The following CPVL variants were observed in gnomAD, a reference collection of about 807,000 sequenced individuals.
The protein encoded by CPVL is carboxypeptidase vitellogenic like, also known as probable serine carboxypeptidase CPVL.
Under a neutral mutation model 63.7 loss-of-function variants are expected in CPVL, and 51 were observed. The ratio of observed to expected loss-of-function variants is 0.80; its 90% CI spans 0.64 to 1.01. CPVL has a LOEUF of 1.01. Among genes scored for constraint, CPVL ranks in the 50% least tolerant of loss-of-function variants. The pLI is 0.00. For synonymous variants in CPVL, 195 were observed against 206.0 expected, an observed-to-expected ratio of 0.95 and a Z score of 0.46; for missense variants, 530 against 573.1, an observed-to-expected ratio of 0.92 and a Z score of 0.77.
At chr7:29,131,642 AGCTGGGACCACCGGTGCAT>A (rs1790709500) in intron 1 of CPVL, among the ~76,000 whole-genome samples, 2 of 152,256 alleles carry the variant, frequency 1.3e-5, no homozygotes, top group African/African-American at 4.8e-5. Context: ...CCTCCAGAGT[AGCTGGGACCACCGGTGCAT>A]GCCACCACAC....
At chr7:29,083,980 A>G (rs1036634836) in intron 7 of CPVL, among the ~76,000 whole-genome samples, 1 of 151,788 alleles carries the variant, frequency 6.6e-6, no homozygotes, top group African/African-American at 2.4e-5. Context: ...TATTTCTCTA[A>G]TTGTGCCTTT....
Position 29,034,853 on chromosome 7 carries a change from GA to G in CPVL, c.1138-4095del, listed in dbSNP as rs60558791. The stretch of plus-strand genomic sequence containing the variant: ...CCCAGCCTAGAATGCTTTTATAATG[GA>G]AAAAAAAAAAAAAAAGAACAATAAT... On this transcript the variant is annotated intron_variant, in intron 11 of 12. Transcript: ENST00000265394. 4.4e-3 allele frequency among the ~76,000 whole-genome samples: 542 copies of G among 123,934 alleles called. 3 individuals carry two copies. The highest frequency in any genetic ancestry group is 0.01 in the Admixed American group (127 of 12,168). 81.3% of individuals were successfully genotyped at this position (123,934 alleles called of 152,430 possible). A position where few individuals can be genotyped will look rare whatever the true frequency, so the allele number is the denominator to read the frequency against.
intron 12 of CPVL, among the ~76,000 whole-genome samples, chr7:29,018,376 A>ATTT (rs1583999212): frequency 4.2e-5 from 5 of 120,324 alleles, no homozygotes; most frequent in South Asian, 2.7e-4. Flanking sequence ...AAAATTTTTA[A>ATTT]TCTTTTTTTT....
chr7:29,039,908 C>T (rs187649988), intron 11 of CPVL, among the ~76,000 whole-genome samples: 7 of 152,196 alleles, frequency 4.6e-5, no homozygotes, highest in Middle Eastern at 3.4e-3. Flanking sequence ...ACTTTGCAGA[C>T]AAAGTTATGC....
chr7:29,092,789 C>A, intron 5 of CPVL, 87 bp from the exon 6 acceptor site: 1 of 963,888 alleles, frequency 1.0e-6, no homozygotes, highest in South Asian at 1.4e-5. Context: ...GGAAGGTGAC[C>A]TTGTTCCAAA....
intron 1 of CPVL, among the ~76,000 whole-genome samples, chr7:29,138,824 G>A (rs949048283): frequency 1.3e-5 from 2 of 152,114 alleles, no homozygotes; most frequent in East Asian, 1.9e-4. Flanking sequence ...GAGCTGCCAC[G>A]GGCACTTGGC....
intron 5 of CPVL, among the ~76,000 whole-genome samples, chr7:29,169,824 A>G (rs961427293): frequency 1.3e-5 from 2 of 151,026 alleles, no homozygotes; most frequent in African/African-American, 4.9e-5. Context: ...GATAAGATGT[A>G]TATATATATA....
In CPVL at chr7:29,021,371, G is replaced by A. The variant is rs191887589; in HGVS notation, c.1320+9206C>T. On this transcript the variant is annotated intron_variant, in intron 12 of 12. Transcript: ENST00000265394. ...AGGGGCTTCAAGATGGCTGCCTGACGCACCTGGCTGTCACCTCCTTCACGA... is the reference window on the plus strand; with the variant it reads ...AGGGGCTTCAAGATGGCTGCCTGACACACCTGGCTGTCACCTCCTTCACGA... 1.6e-3 allele frequency among the ~76,000 whole-genome samples: 248 copies of A among 152,152 alleles called. 1 individual carries two copies. The highest frequency in any genetic ancestry group is 5.4e-3 in the African/African-American group (224 of 41,512).
rs150063181 is a variant in CPVL, at chr7:29,175,337, A to T, written c.-11+5953T>A. Among the ~76,000 whole-genome samples, 458 of 151,832 alleles carry T rather than the reference A, an allele frequency of 3.0e-3. 3 individuals carry two copies. Among genetic ancestry groups the T allele is most frequent in the African/African-American group, 0.01 (431 of 41,404 alleles). Reference sequence around the variant, plus strand: ...TTACAGGCGCATGCCACCACGCCTGACTAATTTTTTGTATTTTCAGTAGAG... The same window carrying T: ...TTACAGGCGCATGCCACCACGCCTGTCTAATTTTTTGTATTTTCAGTAGAG... On this transcript the variant is annotated intron_variant, in intron 5 of 16. Transcript: ENST00000409850.
chr7:29,108,285 G>C (rs957921530), intron 3 of CPVL, among the ~76,000 whole-genome samples: 1 of 152,222 alleles, frequency 6.6e-6, no homozygotes, highest in Non-Finnish European at 1.5e-5. Flanking sequence ...TGATCTGCAG[G>C]TTTTGGCTAA....
chr7:29,000,603 C>G (rs1243077011), intron 12 of CPVL, among the ~76,000 whole-genome samples: 3 of 152,146 alleles, frequency 2.0e-5, no homozygotes, highest in Admixed American at 1.3e-4. Context: ...ACAGAAGAGA[C>G]AGATGAACAG....
upstream of CPVL, chr7:29,195,367 G>T (rs1033468082): frequency 8.6e-6 from 2 of 233,650 alleles, no homozygotes; most frequent in Non-Finnish European, 1.6e-5. Context: ...CCTGTTTGCC[G>T]TGCCGCGCCC....
intron 6 of CPVL, among the ~76,000 whole-genome samples, chr7:29,090,132 G>A (rs1265654328): frequency 6.6e-6 from 1 of 152,106 alleles, no homozygotes; most frequent in Admixed American, 6.5e-5. Flanking sequence ...CAAAGTGCTG[G>A]GATTACAGGT....
intron 11 of CPVL, among the ~76,000 whole-genome samples, chr7:29,032,016 T>G (rs1438967968): frequency 6.6e-6 from 1 of 152,140 alleles, no homozygotes; most frequent in Non-Finnish European, 1.5e-5. Context: ...TACGCTACTT[T>G]TATGCAACTA....
At chr7:29,187,265 G>C (rs1006121646) in intron 1 of CPVL, among the ~76,000 whole-genome samples, 2 of 152,068 alleles carry the variant, frequency 1.3e-5, no homozygotes, top group African/African-American at 4.8e-5. Flanking sequence ...AATTCCACCA[G>C]GTTTCTCACC....
At chr7:29,110,979 T>C (rs1584291103) in intron 3 of CPVL, among the ~76,000 whole-genome samples, 2 of 152,342 alleles carry the variant, frequency 1.3e-5, no homozygotes, top group South Asian at 4.1e-4. Context: ...CTCTAGACAC[T>C]GCAAGAGGCA....
intron 5 of CPVL, among the ~76,000 whole-genome samples, chr7:29,175,959 G>T (rs1340607575): frequency 6.6e-6 from 1 of 152,108 alleles, no homozygotes; most frequent in Non-Finnish European, 1.5e-5. Context: ...GGCCGAGGCG[G>T]GAAGATCACA....
At chr7:29,192,443 A>G (rs961110700) in intron 1 of CPVL, 2 of 152,276 alleles carry the variant, frequency 1.3e-5, no homozygotes, top group African/African-American at 2.4e-5. Context: ...TCAGAGATGA[A>G]TAATGAAACC....
At chr7:29,038,332 T>C (rs1331204260) in intron 11 of CPVL, among the ~76,000 whole-genome samples, 2 of 152,202 alleles carry the variant, frequency 1.3e-5, no homozygotes, top group African/African-American at 4.8e-5. Context: ...AGCTCTCTAT[T>C]ACTCTTTCCA....
Sources: gnomAD v4.1 joint callset for allele counts (sites outside exome capture counted in the v4.1 genomes callset) on GRCh38, gnomAD v4.1.1 for gene constraint, MANE v1.5 for transcripts, NCBI Gene and HGNC (gene_info 2026-07-23, HGNC 2026-07-21) for gene names.